CCDC93: variants seen among roughly 807,000 people sequenced by gnomAD.
CCDC93 encodes CCC complex scaffolding subunit CCDC93.
Under a neutral mutation model 108.2 loss-of-function variants are expected in CCDC93, and 61 were observed. The ratio of observed to expected loss-of-function variants is 0.56; its 90% CI spans 0.46 to 0.70. The LOEUF is 0.70. CCDC93 is among the 30% of genes least tolerant of loss of function. The pLI, the probability that CCDC93 is intolerant of heterozygous loss-of-function variation, is 0.00. For missense variants in CCDC93, 685 were observed against 764.2 expected (o/e 0.90, Z 1.22); for synonymous variants, 276 against 260.4 (o/e 1.06, Z -0.58).
intron 3 of CCDC93, among the ~76,000 whole-genome samples, chr2:118,003,635 T>TG (rs1676778886): frequency 6.6e-6 from 1 of 152,160 alleles, no homozygotes; most frequent in African/African-American, 2.4e-5. Flanking sequence ...CCTAACCCCC[T>TG]GCCTTCAGAC....
intron 4 of CCDC93, chr2:117,999,790 T>C (rs1338264731): frequency 1.3e-5 from 2 of 152,262 alleles, no homozygotes; most frequent in African/African-American, 4.8e-5. Flanking sequence ...TGTTATACTG[T>C]ATTTTTAAAT....
chr2:117,921,991 TGGG>T (rs1254161303), intron 23 of CCDC93, among the ~76,000 whole-genome samples: 1 of 151,168 alleles, frequency 6.6e-6, no homozygotes, highest in Non-Finnish European at 1.5e-5. Context: ...GAGATGTACT[TGGG>T]GGGAAAAAAG....
intron 11 of CCDC93, among the ~76,000 whole-genome samples, chr2:117,964,206 G>A (rs2104765346): frequency 6.6e-6 from 1 of 152,226 alleles, no homozygotes; most frequent in East Asian, 1.9e-4. Context: ...TGGGGGCACG[G>A]TGGTATGCAC....
At chr2:117,957,226 C>A (rs1679249985) in intron 12 of CCDC93, among the ~76,000 whole-genome samples, 1 of 152,136 alleles carries the variant, frequency 6.6e-6, no homozygotes, top group South Asian at 2.1e-4. Flanking sequence ...TACGTGTATT[C>A]TTCTAATCTA....
chr2:117,958,933 C>T (rs2104757243), intron 11 of CCDC93, among the ~76,000 whole-genome samples: 1 of 152,332 alleles, frequency 6.6e-6, no homozygotes, highest in African/African-American at 2.4e-5. Flanking sequence ...AGTCTCCCAA[C>T]ACATTTTCCA....
Position 118,008,674 on chromosome 2 carries a change from A to C in CCDC93, c.43-16T>G. On this transcript the variant is annotated splice_polypyrimidine_tract_variant and intron_variant, in intron 1 of 23. Coordinates refer to ENST00000376300, the MANE Select transcript of CCDC93 (RefSeq NM_019044.5). Reference sequence around the variant, plus strand: ...TTGTTTCCACCTAAAATAAAAGGTAAAACTTTGGCTGGTAAAAGATATGCT... The same window carrying C: ...TTGTTTCCACCTAAAATAAAAGGTACAACTTTGGCTGGTAAAAGATATGCT... The C allele has an allele frequency of 6.5e-7, 1 of 1,544,744 alleles. No homozygotes were observed. The highest frequency in any genetic ancestry group is 8.9e-7 in the Non-Finnish European group (1 of 1,118,800).
At position 117,916,035 on chromosome 2, in the gene CCDC93, C is replaced by T. The variant is rs1677672677; in HGVS notation, c.*4308G>A. 1 of 152,212 alleles carries T rather than the reference C, an allele frequency of 6.6e-6. No homozygotes were observed. Among genetic ancestry groups the T allele is most frequent in the African/African-American group, 2.4e-5 (1 of 41,462 alleles). 9.4% of individuals were successfully genotyped at this position (152,212 alleles called of 1,614,324 possible). A position where few individuals can be genotyped will look rare whatever the true frequency, so the allele number is the denominator to read the frequency against. ...AACAAAAACTCTTGTACACAAGTAC[C>T]TTGTACACAGGTACAATTCTTAGGA... is the stretch of plus-strand genomic sequence containing the variant. On this transcript the variant is annotated 3_prime_UTR_variant, in exon 24 of 24. Transcript: ENST00000376300.
In CCDC93 at chr2:117,919,158, G is replaced by C. The variant is rs888037288; in HGVS notation, c.*1185C>G. ...TTGATCTGCACTGGTCATTTCCAAGGATTAAAATCAACCCTCAGCTGCCCT... is the reference window on the plus strand; with the variant it reads ...TTGATCTGCACTGGTCATTTCCAAGCATTAAAATCAACCCTCAGCTGCCCT... On this transcript the variant is annotated 3_prime_UTR_variant, in exon 24 of 24. Coordinates refer to ENST00000376300, the MANE Select transcript of CCDC93 (RefSeq NM_019044.5). The C allele has an allele frequency of 6.6e-6, 1 of 152,106 alleles. No homozygotes were observed. Among genetic ancestry groups the C allele is most frequent in the African/African-American group, 2.4e-5 (1 of 41,394 alleles). 9.4% of individuals were successfully genotyped at this position (152,106 alleles called of 1,614,324 possible).
At chr2:117,922,206 CTGTG>C (rs796324354) in intron 23 of CCDC93, among the ~76,000 whole-genome samples, 1 of 152,162 alleles carries the variant, frequency 6.6e-6, no homozygotes, top group Non-Finnish European at 1.5e-5. Flanking sequence ...CCGTGGGGAA[CTGTG>C]TGTGTCACAG....
At chr2:117,997,391 C>T (rs1477447) in intron 4 of CCDC93, 59,233 of 152,066 alleles carry the variant, frequency 0.39, 12,196 homozygotes, top group East Asian at 0.67. Context: ...GGTGCCACTC[C>T]CTCTCCAGAG....
intron 17 of CCDC93, 137 bp downstream of exon 17, chr2:117,945,392 C>T (rs1678835749): frequency 1.5e-6 from 1 of 687,224 alleles, no homozygotes; most frequent in East Asian, 2.6e-5. Flanking sequence ...TCAAACAGGA[C>T]AATGCCCTGG....
chr2:117,962,416 A>G (rs532101965), intron 11 of CCDC93, among the ~76,000 whole-genome samples: 138 of 151,944 alleles, frequency 9.1e-4, no homozygotes, highest in Middle Eastern at 3.4e-3. Flanking sequence ...GGCCAAGGTG[A>G]GTGGATCACT....
At chr2:117,938,994 C>A (rs868386164) in intron 20 of CCDC93, 35 bp downstream of exon 20, 9 of 1,172,678 alleles carry the variant, frequency 7.7e-6, no homozygotes, top group African/African-American at 4.6e-5. Flanking sequence ...GCACTGTTAG[C>A]TGCTTAGCCA....
At chr2:117,967,132 T>A (rs976545114) in intron 11 of CCDC93, among the ~76,000 whole-genome samples, 1 of 152,166 alleles carries the variant, frequency 6.6e-6, no homozygotes, top group Non-Finnish European at 1.5e-5. Context: ...TAGCTGGGAT[T>A]ACAAGCATGT....
Position 117,920,413 on chromosome 2 carries a change from G to A in CCDC93, c.1843-17C>T, listed in dbSNP as rs752366527. ...GCGGCCCTCCTGGAGGGAAAGCAGA[G>A]AGTATAGAGAGAGTGGTGACTACAT... On this transcript the variant is annotated splice_polypyrimidine_tract_variant and intron_variant, in intron 23 of 23. Coordinates refer to ENST00000376300, the MANE Select transcript of CCDC93 (RefSeq NM_019044.5). 6.2e-7 allele frequency: 1 copy of A among 1,601,586 alleles called. No individual in the cohort carries two copies. Among genetic ancestry groups the A allele is most frequent in the East Asian group, 2.2e-5 (1 of 44,742 alleles).
intron 11 of CCDC93, among the ~76,000 whole-genome samples, chr2:117,963,722 C>T (rs541513769): frequency 6.6e-6 from 1 of 152,220 alleles, no homozygotes; most frequent in African/African-American, 2.4e-5. Context: ...CTCTTTAATC[C>T]CCATACACTA....
chr2:117,973,929 A>G lies in CCDC93; in HGVS notation c.867T>C (p.Ile289=), dbSNP rs376188929. 1.2e-6 allele frequency: 2 copies of G among 1,612,114 alleles called. No individual in the cohort carries two copies. Among genetic ancestry groups the G allele is most frequent in the African/African-American group, 2.7e-5 (2 of 74,822 alleles). The change falls in exon 11 of 24, where the codon ATT becomes ATC. Residue 289 remains isoleucine (I), a synonymous_variant. Coordinates refer to ENST00000376300, the MANE Select transcript of CCDC93 (RefSeq NM_019044.5). ...VGLCSAEIKQ[I]VSEYAEKQSE... ...CTACCTTCTCTGCATACTCGGACAC[A>G]ATCTGCTTGATCTCAGCAGAGCAGA...
At chr2:117,933,542 C>G (rs1301749940) in intron 22 of CCDC93, among the ~76,000 whole-genome samples, 1 of 152,054 alleles carries the variant, frequency 6.6e-6, no homozygotes, top group African/African-American at 2.4e-5. Flanking sequence ...ACTCAGAAAC[C>G]CTCAGACGGG....
intron 11 of CCDC93, among the ~76,000 whole-genome samples, chr2:117,962,607 C>T (rs1265181631): frequency 6.6e-6 from 1 of 152,172 alleles, no homozygotes; most frequent in Admixed American, 6.6e-5. Flanking sequence ...CACACCACTA[C>T]ACTCCAGCCT....
Sources: gnomAD v4.1 joint callset for allele counts (sites outside exome capture counted in the v4.1 genomes callset) on GRCh38, gnomAD v4.1.1 for gene constraint, MANE v1.5 for transcripts, NCBI Gene and HGNC (gene_info 2026-07-23, HGNC 2026-07-21) for gene names.